The following B3GALNT2 variants were observed in gnomAD, a reference collection of about 807,000 sequenced individuals.
B3GALNT2 encodes beta-1,3-N-acetylgalactosaminyltransferase 2, also known as UDP-GalNAc:beta-1,3-N-acetylgalactosaminyltransferase 2.
B3GALNT2 carries 53 observed loss-of-function variants against 61.1 expected under a neutral mutation model. The ratio of observed to expected loss-of-function variants is 0.87; its 90% CI spans 0.70 to 1.09. The LOEUF (loss-of-function observed/expected upper bound fraction) is 1.09, where lower values mean the gene tolerates loss of function less well. Among genes scored for constraint, B3GALNT2 ranks in the 50% least tolerant of loss-of-function variants. B3GALNT2 has a pLI of 0.00. For missense variants in B3GALNT2, 544 were observed against 623.0 expected (o/e 0.87, Z 1.35); for synonymous variants, 223 against 237.4 (o/e 0.94, Z 0.56).
chr1:235,459,552 G>A (rs1466321666), intron 7 of B3GALNT2, among the ~76,000 whole-genome samples: 3 of 152,162 alleles, frequency 2.0e-5, no homozygotes, highest in African/African-American at 7.2e-5. Context: ...GAGCCCAGGA[G>A]TTCAAGGCTG....
At chr1:235,450,645 G>A (rs1049414167) in intron 11 of B3GALNT2, 8 of 334,734 alleles carry the variant, frequency 2.4e-5, no homozygotes, top group African/African-American at 4.2e-5. Context: ...ATGTTTGCTA[G>A]TAAAGGTGTG....
chr1:235,468,569 C>T (rs1332840939), intron 6 of B3GALNT2, among the ~76,000 whole-genome samples: 1 of 150,874 alleles, frequency 6.6e-6, no homozygotes, highest in African/African-American at 2.4e-5. Flanking sequence ...TCTCCTGCCT[C>T]AGCCTTCCGA....
intron 11 of B3GALNT2, 35 bp from the exon 12 acceptor site, chr1:235,450,375 G>A: frequency 2.5e-6 from 4 of 1,609,480 alleles, no homozygotes; most frequent in Non-Finnish European, 3.4e-6. Flanking sequence ...TCTGAGAGTG[G>A]TGAAACTGTT....
the B3GALNT2 span, chr1:235,441,571 G>C: frequency 1.9e-6 from 1 of 539,322 alleles, no homozygotes; most frequent in African/African-American, 1.9e-5. Context: ...AGTTTCACTG[G>C]TCATTAACAA....
chr1:235,469,271 T>C (rs560911564), intron 6 of B3GALNT2, among the ~76,000 whole-genome samples: 2 of 152,370 alleles, frequency 1.3e-5, no homozygotes, highest in African/African-American at 4.8e-5. Flanking sequence ...TTAATATTCA[T>C]TCACTAAGCT....
Position 235,448,200 on chromosome 1 carries a change from GTAAGT to G in B3GALNT2, c.*2001_*2005del. The G allele has an allele frequency of 1.5e-6, 1 of 668,654 alleles. No individual in the cohort carries two copies. Among genetic ancestry groups the G allele is most frequent in the Non-Finnish European group, 2.5e-6 (1 of 392,340 alleles). The allele number at this position is 668,654 out of a possible 1,614,324, so 41.4% of individuals were successfully genotyped here. On this transcript the variant is annotated 3_prime_UTR_variant, in exon 12 of 12. Coordinates refer to ENST00000366600, the MANE Select transcript of B3GALNT2 (RefSeq NM_152490.5). ...GGGCGACAGAGCAAGACTTACTTAAGTAAGTAAGTAAGTCAGTCTCAAAAAAAAAA... is the reference window on the plus strand; with the variant it reads ...GGGCGACAGAGCAAGACTTACTTAAGAAGTAAGTCAGTCTCAAAAAAAAAA...
intron 2 of B3GALNT2, among the ~76,000 whole-genome samples, chr1:235,490,323 C>T (rs548839178): frequency 2.6e-5 from 4 of 152,176 alleles, no homozygotes; most frequent in African/African-American, 7.2e-5. Flanking sequence ...CTCCACCTTT[C>T]AGGTTCAAGT....
At position 235,448,189 on chromosome 1, in the gene B3GALNT2, G is replaced by GACTT. The variant is rs989400559; in HGVS notation, c.*2013_*2016dup. On this transcript the variant is annotated 3_prime_UTR_variant, in exon 12 of 12. Coordinates refer to ENST00000366600, the MANE Select transcript of B3GALNT2 (RefSeq NM_152490.5). ...CACTCCAGCCTGGGCGACAGAGCAA[G>GACTT]ACTTACTTAAGTAAGTAAGTAAGTC... 1.5e-4 allele frequency among the ~76,000 whole-genome samples: 18 copies of GACTT among 119,540 alleles called. No homozygotes were observed. The highest frequency in any genetic ancestry group is 2.4e-4 in the African/African-American group (7 of 29,396). 78.4% of individuals were successfully genotyped at this position (119,540 alleles called of 152,430 possible). A position where few individuals can be genotyped will look rare whatever the true frequency, so the allele number is the denominator to read the frequency against.
chr1:235,502,931 G>A (rs1685647007), intron 1 of B3GALNT2, among the ~76,000 whole-genome samples: 1 of 152,186 alleles, frequency 6.6e-6, no homozygotes, highest in Admixed American at 6.5e-5. Context: ...CCCATCAACT[G>A]GTTAAGTGCA....
At chr1:235,442,447 G>A (rs1681958754), downstream of B3GALNT2, among the ~76,000 whole-genome samples, 1 of 152,022 alleles carries the variant, frequency 6.6e-6, no homozygotes, top group African/African-American at 2.4e-5. Flanking sequence ...TAGGATTAGC[G>A]GCATGAGCTA....
At position 235,504,392 on chromosome 1, in the gene B3GALNT2, G is replaced by C. The variant is rs1055981402; in HGVS notation, c.-140C>G. 1 of 915,720 alleles carries C rather than the reference G, an allele frequency of 1.1e-6. No homozygotes were observed. The highest frequency in any genetic ancestry group is 1.8e-5 in the African/African-American group (1 of 56,492). 56.7% of individuals were successfully genotyped at this position (915,720 alleles called of 1,614,324 possible). ...CCCTCGCGCTCGGCGACGTCTGGGG[G>C]GCTCCTCGCAGCTCCCGGCCCCGCT... On this transcript the variant is annotated 5_prime_UTR_variant, in exon 1 of 12. Transcript: ENST00000366600.
chr1:235,475,786 C>T (rs897767919), intron 5 of B3GALNT2, among the ~76,000 whole-genome samples: 2 of 151,948 alleles, frequency 1.3e-5, no homozygotes, highest in Non-Finnish European at 2.9e-5. Context: ...TTAAAATCAT[C>T]CATAATCTTA....
the B3GALNT2 span, chr1:235,441,632 GC>G: frequency 8.2e-6 from 5 of 606,326 alleles, no homozygotes; most frequent in South Asian, 9.8e-5. Flanking sequence ...AGAAGATTCT[GC>G]CCTTGGAAGT....
At chr1:235,480,722 T>C (rs1210411009) in intron 4 of B3GALNT2, among the ~76,000 whole-genome samples, 1 of 151,568 alleles carries the variant, frequency 6.6e-6, no homozygotes, top group Non-Finnish European at 1.5e-5. Context: ...CTGGCCAACA[T>C]GTGAAACTCC....
At chr1:235,451,650 A>G (rs909529119) in intron 11 of B3GALNT2, 2 of 152,238 alleles carry the variant, frequency 1.3e-5, no homozygotes, top group African/African-American at 4.8e-5. Context: ...AGACTATCAA[A>G]GTGGACCATG....
At chr1:235,466,708 C>T (rs1277898336) in intron 6 of B3GALNT2, among the ~76,000 whole-genome samples, 1 of 152,164 alleles carries the variant, frequency 6.6e-6, no homozygotes, top group Non-Finnish European at 1.5e-5. Flanking sequence ...CAATGACAGT[C>T]CTTTCTACTT....
At chr1:235,479,422 TTTG>T (rs1333517958) in intron 5 of B3GALNT2, 1 of 152,286 alleles carries the variant, frequency 6.6e-6, no homozygotes, top group Admixed American at 6.5e-5. Context: ...GAATGAATAA[TTTG>T]TTATGTCTGA....
At chr1:235,491,292 T>C (rs1685055857) in intron 2 of B3GALNT2, among the ~76,000 whole-genome samples, 1 of 152,174 alleles carries the variant, frequency 6.6e-6, no homozygotes, top group Non-Finnish European at 1.5e-5. Flanking sequence ...TGGTCATAGA[T>C]AGGAGAGTCT....
At chr1:235,445,944 C>G (rs1036719908), downstream of B3GALNT2, among the ~76,000 whole-genome samples, 1 of 152,288 alleles carries the variant, frequency 6.6e-6, no homozygotes. Context: ...CAGTCTAGAG[C>G]TGCGCTGTCC....
Sources: gnomAD v4.1 joint callset for allele counts (sites outside exome capture counted in the v4.1 genomes callset) on GRCh38, gnomAD v4.1.1 for gene constraint, MANE v1.5 for transcripts, NCBI Gene and HGNC (gene_info 2026-07-23, HGNC 2026-07-21) for gene names.